Variants in MBD5 observed in about 807,000 individuals in gnomAD.
The protein encoded by MBD5 is methyl-CpG-binding domain protein 5.
In MBD5, 13 loss-of-function variants were observed where a neutral mutation model predicts 117.3. The ratio of observed to expected loss-of-function variants is 0.11; its 90% CI spans 0.07 to 0.18. The LOEUF (loss-of-function observed/expected upper bound fraction) is 0.18, where lower values mean the gene tolerates loss of function less well. Among genes scored for constraint, MBD5 ranks in the 10% least tolerant of loss-of-function variants. The pLI is 1.00. For missense variants in MBD5, 1,879 were observed against 2,093.8 expected (o/e 0.90, Z 2.00); for synonymous variants, 727 against 766.4 (o/e 0.95, Z 0.85).
chr2:148,314,725 A>G (rs12466076), intron 3 of MBD5, among the ~76,000 whole-genome samples: 30,891 of 151,938 alleles, frequency 0.2, 3,276 homozygotes, highest in African/African-American at 0.21. Context: ...CTGCCACTGT[A>G]CCCAGCCTGT....
chr2:148,298,653 CTCT>C (rs1250920063), intron 3 of MBD5, among the ~76,000 whole-genome samples: 3 of 152,152 alleles, frequency 2.0e-5, no homozygotes, highest in Admixed American at 6.5e-5. Flanking sequence ...CCATAAACCT[CTCT>C]TCTTCTTCTC....
At chr2:148,109,732 A>G (rs969494431) in intron 1 of MBD5, among the ~76,000 whole-genome samples, 1 of 152,190 alleles carries the variant, frequency 6.6e-6, no homozygotes, top group Non-Finnish European at 1.5e-5. Context: ...AATGGTTACA[A>G]GTAACACCTC....
chr2:148,482,648 T>C (rs1273996967), intron 8 of MBD5, among the ~76,000 whole-genome samples: 1 of 152,180 alleles, frequency 6.6e-6, no homozygotes, highest in Admixed American at 6.5e-5. Context: ...TGTGGGTTTC[T>C]TTTCACTAAA....
chr2:148,213,265 C>CA (rs1486896116), intron 2 of MBD5, among the ~76,000 whole-genome samples: 3 of 151,458 alleles, frequency 2.0e-5, no homozygotes, highest in Non-Finnish European at 4.4e-5. Context: ...TTAAGATTTT[C>CA]AAAAAAGGAT....
At chr2:148,222,421 G>T (rs1362086033) in intron 2 of MBD5, among the ~76,000 whole-genome samples, 4 of 151,988 alleles carry the variant, frequency 2.6e-5, no homozygotes, top group African/African-American at 9.6e-5. Context: ...TTCTTTCGGT[G>T]TCCTCTTCAA....
chr2:148,176,310 T>G (rs966311838), intron 1 of MBD5, among the ~76,000 whole-genome samples: 84 of 151,318 alleles, frequency 5.6e-4, no homozygotes, highest in Middle Eastern at 3.4e-3. Context: ...TTTTGTTTTT[T>G]TTTTTTTTTT....
At chr2:148,139,728 A>G (rs1452057158) in intron 1 of MBD5, among the ~76,000 whole-genome samples, 1 of 152,108 alleles carries the variant, frequency 6.6e-6, no homozygotes, top group Non-Finnish European at 1.5e-5. Context: ...CTTTTAAACA[A>G]TAGCTACCCC....
At chr2:148,254,009 C>T (rs1274384622) in intron 3 of MBD5, among the ~76,000 whole-genome samples, 1 of 152,180 alleles carries the variant, frequency 6.6e-6, no homozygotes, top group South Asian at 2.1e-4. Flanking sequence ...CCAGGGGCAC[C>T]CTCTGGGCAG....
intron 2 of MBD5, among the ~76,000 whole-genome samples, chr2:148,195,703 T>G (rs778940336): frequency 1.4e-4 from 21 of 152,166 alleles, no homozygotes; most frequent in Admixed American, 5.9e-4. Context: ...GTATGTTCTC[T>G]GAACAAAACA....
At chr2:148,242,550 T>C (rs1386730391) in intron 3 of MBD5, among the ~76,000 whole-genome samples, 1 of 152,140 alleles carries the variant, frequency 6.6e-6, no homozygotes, top group African/African-American at 2.4e-5. Flanking sequence ...CCAGAAGATA[T>C]TACTGCAGTA....
At chr2:148,146,669 T>TA (rs1697476034) in intron 1 of MBD5, among the ~76,000 whole-genome samples, 1 of 152,138 alleles carries the variant, frequency 6.6e-6, no homozygotes, top group Non-Finnish European at 1.5e-5. Flanking sequence ...GGGAGCTATT[T>TA]AAAAAAATTA....
intron 4 of MBD5, among the ~76,000 whole-genome samples, chr2:148,361,224 C>T (rs1364327863): frequency 6.6e-6 from 1 of 152,124 alleles, no homozygotes; most frequent in Non-Finnish European, 1.5e-5. Flanking sequence ...GTGGCACATG[C>T]CTGTAATCCT....
intron 1 of MBD5, among the ~76,000 whole-genome samples, chr2:148,124,349 C>G (rs971559153): frequency 1.3e-5 from 2 of 151,960 alleles, no homozygotes; most frequent in Non-Finnish European, 2.9e-5. Context: ...GGCACATTTG[C>G]TTACACTGCT....
rs77312209 is a variant in MBD5, at chr2:148,220,513, G to A, written c.-830-12732G>A. On this transcript the variant is annotated intron_variant, in intron 2 of 13. Transcript: ENST00000642680. The stretch of plus-strand genomic sequence containing the variant: ...TGCAATTCTAATATCAAAAAGCTTG[G>A]GAAACTGGAAATTTTGACATTTCAA... Among the ~76,000 whole-genome samples, 979 of 152,104 alleles carry A rather than the reference G, an allele frequency of 6.4e-3. 8 individuals carry two copies. The highest frequency in any genetic ancestry group is 0.011 in the Non-Finnish European group (741 of 67,958).
In MBD5 at chr2:148,414,995, CTGTTATAT is replaced by C. The variant is rs1196927565; in HGVS notation, c.-556-43194_-556-43187del. Among the ~76,000 whole-genome samples the C allele has an allele frequency of 1.4e-4, 22 of 152,140 alleles. 1 individual carries two copies. The South Asian group carries it at 3.7e-3, about 26-fold the overall frequency. ...AGTATTGATGTGTGAGAATTGGATC[CTGTTATAT>C]TGTTATATTGTTAGCTGGTTATTAT... On this transcript the variant is annotated intron_variant, in intron 4 of 13. Transcript: ENST00000642680.
intron 4 of MBD5, among the ~76,000 whole-genome samples, chr2:148,411,481 A>T (rs987400729): frequency 2.1e-5 from 3 of 142,528 alleles, no homozygotes; most frequent in Admixed American, 7.0e-5. Flanking sequence ...ATAAGCATTC[A>T]CTTTTCTCCG....
chr2:148,269,655 G>T (rs189780499), intron 3 of MBD5, among the ~76,000 whole-genome samples: 18 of 135,306 alleles, frequency 1.3e-4, no homozygotes, highest in Non-Finnish European at 2.2e-4. Context: ...ATATCTAATT[G>T]TGAGTTTTTT....
chr2:148,261,727 A>G (rs184972366), intron 3 of MBD5, among the ~76,000 whole-genome samples: 2 of 152,330 alleles, frequency 1.3e-5, no homozygotes, highest in Non-Finnish European at 2.9e-5. Context: ...TTTCCTTTAC[A>G]TTCACAACTT....
At chr2:148,442,344 A>G (rs180719213) in intron 4 of MBD5, among the ~76,000 whole-genome samples, 6 of 151,312 alleles carry the variant, frequency 4.0e-5, no homozygotes, top group Admixed American at 2.0e-4. Flanking sequence ...CTATGGGGGA[A>G]AAAGTGACAC....
Sources: gnomAD v4.1 joint callset for allele counts (sites outside exome capture counted in the v4.1 genomes callset) on GRCh38, gnomAD v4.1.1 for gene constraint, MANE v1.5 for transcripts, NCBI Gene and HGNC (gene_info 2026-07-23, HGNC 2026-07-21) for gene names.